The following DGKI variants were observed in gnomAD, a reference collection of about 807,000 sequenced individuals.
DGKI encodes DAG kinase iota.
Under a neutral mutation model 147.5 loss-of-function variants are expected in DGKI, and 55 were observed. The observed-to-expected ratio is 0.37, with a 90% CI of 0.30 to 0.47. The LOEUF is 0.47. Among genes scored for constraint, DGKI ranks in the 20% least tolerant of loss-of-function variants. The pLI, the probability that DGKI is intolerant of heterozygous loss-of-function variation, is 1.00. For synonymous variants in DGKI, 469 were observed against 477.1 expected (o/e 0.98, Z 0.22); for missense variants, 1,007 against 1,323.8 (o/e 0.76, Z 3.71).
chr7:137,466,844 T>C, intron 25 of DGKI, 58 bp downstream of exon 25: 1 of 1,564,354 alleles, frequency 6.4e-7, no homozygotes, highest in Non-Finnish European at 8.8e-7. Context: ...TAGCTACCAA[T>C]AAAGCACATT....
At chr7:137,814,322 G>T (rs181159979) in intron 1 of DGKI, among the ~76,000 whole-genome samples, 1 of 152,136 alleles carries the variant, frequency 6.6e-6, no homozygotes, top group Non-Finnish European at 1.5e-5. Context: ...GCCAAAAAAC[G>T]ATTCAAATTC....
chr7:137,666,741 C>T (rs1210632405), intron 3 of DGKI, among the ~76,000 whole-genome samples: 1 of 152,092 alleles, frequency 6.6e-6, no homozygotes, highest in East Asian at 1.9e-4. Flanking sequence ...TCAGGTATTC[C>T]TTCTGCCTCT....
intron 1 of DGKI, among the ~76,000 whole-genome samples, chr7:137,762,596 A>T (rs1795891382): frequency 6.6e-6 from 1 of 152,156 alleles, no homozygotes; most frequent in East Asian, 1.9e-4. Context: ...CTGAATGTGG[A>T]ACACCCTCAC....
intron 12 of DGKI, among the ~76,000 whole-genome samples, chr7:137,589,122 C>T (rs1373849189): frequency 6.6e-6 from 1 of 152,256 alleles, no homozygotes; most frequent in Middle Eastern, 3.4e-3. Context: ...ATGAAGAAAC[C>T]TTAAACATTG....
intron 2 of DGKI, among the ~76,000 whole-genome samples, chr7:137,688,445 C>T (rs1823497181): frequency 6.6e-6 from 1 of 152,196 alleles, no homozygotes; most frequent in African/African-American, 2.4e-5. Context: ...TCCCCATCTA[C>T]AGATGAGGAC....
chr7:137,514,358 A>G (rs1816680960), intron 21 of DGKI, among the ~76,000 whole-genome samples: 1 of 152,040 alleles, frequency 6.6e-6, no homozygotes, highest in Admixed American at 6.6e-5. Flanking sequence ...TTGCACACGA[A>G]TCCTCTCTAT....
At chr7:137,575,658 C>T (rs565330016) in intron 17 of DGKI, among the ~76,000 whole-genome samples, 10 of 152,300 alleles carry the variant, frequency 6.6e-5, no homozygotes, top group South Asian at 2.1e-4. Flanking sequence ...TTAATAGCCA[C>T]GATTTTATTG....
Position 137,382,585 on chromosome 7 carries a change from TTCTG to T in DGKI, c.*8631_*8634del, listed in dbSNP as rs1437342972. On this transcript the variant is annotated 3_prime_UTR_variant, in exon 33 of 33. Transcript: ENST00000614521. ...AAGCCACTTTGAACAAATTTAATCT[TTCTG>T]TATGTTTCCTGAGTTTGATTTTCAA... The T allele has an allele frequency of 6.6e-6, 1 of 152,138 alleles. No homozygotes were observed. Among genetic ancestry groups the T allele is most frequent in the African/African-American group, 2.4e-5 (1 of 41,450 alleles). The allele number at this position is 152,138 out of a possible 1,614,324, so 9.4% of individuals were successfully genotyped here.
chr7:137,523,464 G>C lies in DGKI; in HGVS notation c.2148-1498C>G, dbSNP rs565212957. On this transcript the variant is annotated intron_variant, in intron 20 of 32. Transcript: ENST00000614521. ...TCTCTCTCTCTCTCACACACACACA[G>C]ACAGAGAGAGAGATTTAAACTGTGG... Among the ~76,000 whole-genome samples, 177 of 147,846 alleles carry C rather than the reference G, an allele frequency of 1.2e-3. 3 individuals are homozygous for C. In the South Asian group the frequency reaches 0.017, roughly 14 times the overall value.
At chr7:137,664,411 GA>G (rs890884909) in intron 3 of DGKI, among the ~76,000 whole-genome samples, 1 of 141,756 alleles carries the variant, frequency 7.1e-6, no homozygotes, top group African/African-American at 2.6e-5. Flanking sequence ...AAGAAAGAAA[GA>G]AAAAAAAGGA....
At chr7:137,695,698 C>T (rs1823757946) in intron 1 of DGKI, among the ~76,000 whole-genome samples, 1 of 152,166 alleles carries the variant, frequency 6.6e-6, no homozygotes, top group African/African-American at 2.4e-5. Flanking sequence ...GCTGACAGTA[C>T]ACATATACAT....
intron 8 of DGKI, among the ~76,000 whole-genome samples, chr7:137,618,151 A>T (rs2550984): frequency 0.35 from 3,769 of 10,754 alleles, 851 homozygotes; most frequent in Middle Eastern, 0.5. Context: ...ATATATATAT[A>T]TTTTTTTTTT....
At chr7:137,633,649 G>A (rs1424349517) in intron 6 of DGKI, among the ~76,000 whole-genome samples, 1 of 152,152 alleles carries the variant, frequency 6.6e-6, no homozygotes, top group Non-Finnish European at 1.5e-5. Context: ...GGAGAATGGT[G>A]CCTGAATATC....
At chr7:137,812,285 G>A (rs1797614518) in intron 1 of DGKI, among the ~76,000 whole-genome samples, 1 of 152,154 alleles carries the variant, frequency 6.6e-6, no homozygotes, top group East Asian at 1.9e-4. Context: ...TTTTTATGAG[G>A]AATAAATATG....
chr7:137,744,836 C>G (rs1402826158), intron 1 of DGKI, among the ~76,000 whole-genome samples: 1 of 152,132 alleles, frequency 6.6e-6, no homozygotes, highest in African/African-American at 2.4e-5. Flanking sequence ...TCAATAAAAT[C>G]CAACATCCGT....
intron 1 of DGKI, among the ~76,000 whole-genome samples, chr7:137,695,139 C>G (rs1283878135): frequency 6.6e-6 from 1 of 152,212 alleles, no homozygotes; most frequent in African/African-American, 2.4e-5. Context: ...CATTGGTACT[C>G]AACCTTTGCC....
At chr7:137,398,387 A>G (rs775175747) in intron 30 of DGKI, among the ~76,000 whole-genome samples, 3 of 152,176 alleles carry the variant, frequency 2.0e-5, no homozygotes, top group Non-Finnish European at 4.4e-5. Context: ...TTTGTCTAGC[A>G]TTGTGTCATT....
At chr7:137,689,473 G>A (rs1823531231) in intron 2 of DGKI, among the ~76,000 whole-genome samples, 1 of 152,150 alleles carries the variant, frequency 6.6e-6, no homozygotes, top group African/African-American at 2.4e-5. Context: ...AAAAGCAATA[G>A]AATGACATGA....
At chr7:137,447,970 A>C (rs1420231240) in intron 27 of DGKI, among the ~76,000 whole-genome samples, 2 of 152,236 alleles carry the variant, frequency 1.3e-5, no homozygotes, top group Admixed American at 6.5e-5. Flanking sequence ...GGTAAAGGAA[A>C]TACCCTCTTT....
Sources: gnomAD v4.1 joint callset for allele counts (sites outside exome capture counted in the v4.1 genomes callset) on GRCh38, gnomAD v4.1.1 for gene constraint, MANE v1.5 for transcripts, NCBI Gene and HGNC (gene_info 2026-07-23, HGNC 2026-07-21) for gene names.